CCDC141: variants seen among roughly 807,000 people sequenced by gnomAD.
CCDC141 encodes the protein coiled-coil domain-containing protein 141.
Under a neutral mutation model 181.0 loss-of-function variants are expected in CCDC141, and 168 were observed. That is an observed-to-expected ratio of 0.93 (90% CI 0.82 to 1.05). The LOEUF is 1.05. Among genes scored for constraint, CCDC141 ranks in the 50% least tolerant of loss-of-function variants. The pLI is 0.00. For missense variants in CCDC141, 1,902 were observed against 1,788.5 expected, an observed-to-expected ratio of 1.06 and a Z score of -1.14; for synonymous variants, 666 against 642.3, an observed-to-expected ratio of 1.04 and a Z score of -0.56.
intron 2 of CCDC141, among the ~76,000 whole-genome samples, chr2:178,986,987 C>A (rs1383240764): frequency 6.6e-6 from 1 of 151,856 alleles, no homozygotes; most frequent in Non-Finnish European, 1.5e-5. Flanking sequence ...CATATGGAAC[C>A]AAAAAAGAGC....
intron 2 of CCDC141, among the ~76,000 whole-genome samples, chr2:178,990,787 C>T (rs1692017346): frequency 6.6e-6 from 1 of 151,950 alleles, no homozygotes. Context: ...ATGGTGCTTG[C>T]CAGGGGCTGG....
At chr2:179,019,667 A>G (rs1011164149) in intron 2 of CCDC141, among the ~76,000 whole-genome samples, 6 of 152,168 alleles carry the variant, frequency 3.9e-5, no homozygotes, top group Admixed American at 3.9e-4. Flanking sequence ...ATTAATATTG[A>G]CTTTAAAGTT....
At chr2:178,835,231 G>A (rs553356676) in intron 23 of CCDC141, among the ~76,000 whole-genome samples, 1 of 152,268 alleles carries the variant, frequency 6.6e-6, no homozygotes, top group African/African-American at 2.4e-5. Flanking sequence ...CAGATGTGCT[G>A]TTTTAGAGGA....
chr2:178,904,312 C>G (rs1213259857), intron 8 of CCDC141, among the ~76,000 whole-genome samples: 1 of 152,178 alleles, frequency 6.6e-6, no homozygotes, highest in South Asian at 2.1e-4. Context: ...GTGCATGTAG[C>G]ACAAGTTGTT....
rs116101372 is a variant in CCDC141, at chr2:178,913,037, A to C, written c.1092+5676T>G. 5.8e-3 allele frequency among the ~76,000 whole-genome samples: 880 copies of C among 152,322 alleles called. 9 individuals carry two copies. Among genetic ancestry groups the C allele is most frequent in the African/African-American group, 0.02 (837 of 41,572 alleles). On this transcript the variant is annotated intron_variant, in intron 7 of 23. Coordinates refer to ENST00000443758, the MANE Select transcript of CCDC141 (RefSeq NM_173648.4). ...CTCCATCATAGCTTTCCCACAACCC[A>C]GTGCACCTCTGTTCCCTGGCCTCTC...
In CCDC141 at chr2:178,869,137, A is replaced by C; in HGVS notation, c.2374T>G (p.Phe792Val). 1 of 1,596,886 alleles carries C rather than the reference A, an allele frequency of 6.3e-7. No homozygotes were observed. Among genetic ancestry groups the C allele is most frequent in the Non-Finnish European group, 8.5e-7 (1 of 1,174,088 alleles). ...CTTACCTCTTCCTTGACTTGATGGA[A>C]CTGGACCACCTTGTACAGGATATCC... Reference protein sequence around the residue: ...YEDILYKVVQFHQVKEELGRL... With the variant: ...YEDILYKVVQVHQVKEELGRL... The change falls in exon 15 of 24, where the codon TTC becomes GTC. Residue 792 changes from phenylalanine to valine, a missense_variant. Transcript: ENST00000443758.
chr2:178,981,636 GTATATATATA>G (rs1193430874), intron 2 of CCDC141, among the ~76,000 whole-genome samples: 2 of 62,396 alleles, frequency 3.2e-5, no homozygotes, highest in East Asian at 6.7e-4. Context: ...GTGTGTGTGT[GTATATATATA>G]TATATATATA....
intron 7 of CCDC141, among the ~76,000 whole-genome samples, chr2:178,911,503 A>AT (rs1412956949): frequency 6.6e-6 from 1 of 152,162 alleles, no homozygotes; most frequent in East Asian, 1.9e-4. Context: ...AACATTTCTA[A>AT]TTTTCACTTA....
chr2:178,900,340 G>C (rs1298048388), intron 8 of CCDC141, among the ~76,000 whole-genome samples: 1 of 151,828 alleles, frequency 6.6e-6, no homozygotes, highest in Admixed American at 6.6e-5. Context: ...GCAAAAGAGG[G>C]GAAAAGAAAA....
chr2:179,045,049 T>C (rs886141963), intron 2 of CCDC141, among the ~76,000 whole-genome samples: 15 of 151,908 alleles, frequency 9.9e-5, no homozygotes, highest in African/African-American at 3.4e-4. Context: ...TTAGGGTACA[T>C]GTGCACAATA....
chr2:178,983,745 T>C (rs917339434), intron 2 of CCDC141, among the ~76,000 whole-genome samples: 3 of 151,264 alleles, frequency 2.0e-5, no homozygotes, highest in South Asian at 4.2e-4. Context: ...TGAAATGAAG[T>C]GAGAAGGAAA....
chr2:178,855,493 A>C lies in CCDC141; in HGVS notation c.2914T>G (p.Phe972Val), dbSNP rs766822817. The change falls in exon 19 of 24, where the codon TTC (phenylalanine) becomes GTC (valine). Residue 972 changes from phenylalanine (F) to valine (V), a missense_variant. Transcript: ENST00000443758. ...EKVSNKTSDS[F>V]LNYPSDKVNV... is the part of the protein sequence containing the mutation. Reference sequence around the variant, plus strand: ...ACTTTATCACTTGGATAATTTAAGAAAGAATCAGAGGTTTTATTACTAACT... The same window carrying C: ...ACTTTATCACTTGGATAATTTAAGACAGAATCAGAGGTTTTATTACTAACT... The C allele has an allele frequency of 6.2e-7, 1 of 1,606,694 alleles. No homozygotes were observed. The highest frequency in any genetic ancestry group is 8.5e-7 in the Non-Finnish European group (1 of 1,177,586).
At chr2:179,015,443 C>A (rs1164131710) in intron 2 of CCDC141, among the ~76,000 whole-genome samples, 9 of 132,954 alleles carry the variant, frequency 6.8e-5, no homozygotes, top group African/African-American at 1.9e-4. Context: ...CCATATATAT[C>A]TCATATATGT....
chr2:178,918,754 A>G lies in CCDC141; in HGVS notation c.1051T>C (p.Trp351Arg), dbSNP rs918788929. 2 of 1,550,424 alleles carry G rather than the reference A, an allele frequency of 1.3e-6. No homozygotes were observed. Among genetic ancestry groups the G allele is most frequent in the African/African-American group, 2.7e-5 (2 of 73,044 alleles). ...AAAAATTCATTCGCCTTCTTTAACC[A>G]GGTATTCCTTTCCACCATGAGTTGA... ...FGQLMVERNTWLKKANEFFNS... is the reference protein window; with the variant it reads ...FGQLMVERNTRLKKANEFFNS... Residue 351 changes from tryptophan (W) to arginine (R), a missense_variant, in exon 7 of 24, where the codon TGG becomes CGG. Transcript: ENST00000443758.
chr2:178,965,041 G>T (rs1031743215), intron 4 of CCDC141, among the ~76,000 whole-genome samples: 7 of 152,042 alleles, frequency 4.6e-5, no homozygotes, highest in Non-Finnish European at 8.8e-5. Context: ...ATTTAAGATG[G>T]TATAATAGGT....
At chr2:178,964,263 AAC>A (rs142484909) in intron 4 of CCDC141, among the ~76,000 whole-genome samples, 2 of 151,774 alleles carry the variant, frequency 1.3e-5, no homozygotes, top group Middle Eastern at 3.4e-3. Context: ...GCTACACGCA[AAC>A]ACACACACAC....
chr2:179,015,065 G>GATATAT (rs1326648706), intron 2 of CCDC141, among the ~76,000 whole-genome samples: 461 of 10,916 alleles, frequency 0.042, 53 homozygotes, highest in East Asian at 0.08. Flanking sequence ...GAGAGAGACA[G>GATATAT]AGATATATAT....
chr2:178,947,434 T>C (rs1176253798), intron 5 of CCDC141, among the ~76,000 whole-genome samples: 3 of 152,182 alleles, frequency 2.0e-5, no homozygotes, highest in African/African-American at 4.8e-5. Context: ...TGGGCAATGA[T>C]GGATTAAAGG....
chr2:179,002,193 T>G (rs1022941159), intron 2 of CCDC141: 2 of 249,690 alleles, frequency 8.0e-6, no homozygotes, highest in Admixed American at 4.8e-5. Flanking sequence ...ATGGAAGGAT[T>G]ATGTAGTCCA....
Sources: allele counts gnomAD v4.1 joint callset (sites outside exome capture counted in the v4.1 genomes callset), GRCh38; gene constraint gnomAD v4.1.1; transcripts MANE v1.5; gene names NCBI Gene and HGNC (gene_info 2026-07-23, HGNC 2026-07-21).